ARL3: variants seen among roughly 807,000 people sequenced by gnomAD.
The protein encoded by ARL3 is ADP-ribosylation factor-like protein 3.
ARL3 carries 9 observed loss-of-function variants against 26.0 expected under a neutral mutation model. The ratio of observed to expected loss-of-function variants is 0.35; its 90% confidence interval spans 0.21 to 0.60. The LOEUF (loss-of-function observed/expected upper bound fraction) is 0.60. Among genes scored for constraint, ARL3 ranks in the 20% least tolerant of loss-of-function variants. The pLI is 0.78. For missense variants in ARL3, 158 were observed against 215.7 expected (o/e 0.73, Z 1.67); for synonymous variants, 71 against 78.4 (o/e 0.91, Z 0.50).
chr10:102,686,514 A>T (rs1325550319), intron 4 of ARL3, among the ~76,000 whole-genome samples: 1 of 139,594 alleles, frequency 7.2e-6, no homozygotes, highest in Non-Finnish European at 1.5e-5. Context: ...CCCAGGCTGG[A>T]GTGCAGTGGC....
At chr10:102,689,065 G>A (rs2064202844) in intron 4 of ARL3, among the ~76,000 whole-genome samples, 1 of 152,186 alleles carries the variant, frequency 6.6e-6, no homozygotes, top group East Asian at 1.9e-4. Flanking sequence ...GCTCACGCCT[G>A]TAATCCCAGC....
chr10:102,674,459 G>C lies in ARL3; in HGVS notation c.*2435C>G, dbSNP rs1008125547. 1 of 152,114 alleles carries C rather than the reference G, an allele frequency of 6.6e-6. No individual in the cohort carries two copies. Among genetic ancestry groups the C allele is most frequent in the Non-Finnish European group, 1.5e-5 (1 of 68,056 alleles). The allele number at this position is 152,114 out of a possible 1,614,324, so 9.4% of individuals were successfully genotyped here. ...CACAACTGGCTTGAGCACATATCAC[G>C]AGCACCCCCCAGGCCTTGCCTGCCC... On this transcript the variant is annotated 3_prime_UTR_variant, in exon 6 of 6. Coordinates refer to ENST00000260746, the MANE Select transcript of ARL3 (RefSeq NM_004311.4).
intron 1 of ARL3, 87 bp downstream of exon 1, chr10:102,714,186 G>A: frequency 7.7e-7 from 1 of 1,294,392 alleles, no homozygotes; most frequent in Non-Finnish European, 9.9e-7. Context: ...TCCCTCCTTG[G>A]CTTTAAGCGC....
At chr10:102,710,240 G>A (rs1298272495) in intron 1 of ARL3, among the ~76,000 whole-genome samples, 1 of 152,124 alleles carries the variant, frequency 6.6e-6, no homozygotes, top group East Asian at 1.9e-4. Flanking sequence ...CATGGTCTAG[G>A]GAAGACAAGT....
chr10:102,679,040 G>C (rs1292108753), intron 5 of ARL3, among the ~76,000 whole-genome samples: 1 of 152,242 alleles, frequency 6.6e-6, no homozygotes, highest in African/African-American at 2.4e-5. Context: ...GTAAACAGGG[G>C]ACCGAGCCCT....
At chr10:102,687,882 T>C (rs1437507976) in intron 4 of ARL3, among the ~76,000 whole-genome samples, 1 of 152,118 alleles carries the variant, frequency 6.6e-6, no homozygotes, top group Non-Finnish European at 1.5e-5. Flanking sequence ...TGGTTTGAGA[T>C]TCAAAACTTA....
chr10:102,696,447 G>A (rs2064248581), intron 3 of ARL3, among the ~76,000 whole-genome samples: 1 of 151,198 alleles, frequency 6.6e-6, no homozygotes. Context: ...TGTATTTTTA[G>A]TAGAGATGGG....
intron 2 of ARL3, among the ~76,000 whole-genome samples, chr10:102,703,301 T>C (rs931688094): frequency 5.9e-5 from 9 of 151,740 alleles, no homozygotes; most frequent in Non-Finnish European, 1.0e-4. Context: ...TTTGTATTTT[T>C]AGTAGAGACA....
chr10:102,689,156 C>G (rs958633354), intron 4 of ARL3, among the ~76,000 whole-genome samples: 7 of 151,988 alleles, frequency 4.6e-5, no homozygotes, highest in South Asian at 4.1e-4. Flanking sequence ...AACCCTGTCT[C>G]TACTAAAAAT....
intron 5 of ARL3, among the ~76,000 whole-genome samples, chr10:102,684,835 G>T (rs2064174383): frequency 1.3e-5 from 2 of 151,360 alleles, no homozygotes; most frequent in Admixed American, 6.6e-5. Flanking sequence ...AGAGACGGGG[G>T]TTTCACCATG....
intron 4 of ARL3, among the ~76,000 whole-genome samples, chr10:102,688,490 T>C (rs1434547435): frequency 1.5e-5 from 2 of 136,174 alleles, no homozygotes; most frequent in African/African-American, 5.5e-5. Context: ...ATGATAACTT[T>C]TTAAAAAACT....
intron 2 of ARL3, among the ~76,000 whole-genome samples, chr10:102,704,900 T>C (rs11191375): frequency 0.1 from 15,573 of 152,160 alleles, 1,166 homozygotes; most frequent in East Asian, 0.37. Context: ...GATGCTGCAG[T>C]GGGGTGGCCT....
chr10:102,690,295 CTTT>C (rs34924011), intron 3 of ARL3, among the ~76,000 whole-genome samples: 13 of 123,694 alleles, frequency 1.1e-4, no homozygotes, highest in Non-Finnish European at 3.4e-5. Flanking sequence ...CACTATTTTC[CTTT>C]TTTTTTTTTT....
intron 5 of ARL3, among the ~76,000 whole-genome samples, chr10:102,684,530 C>G (rs1250464065): frequency 1.3e-5 from 2 of 152,154 alleles, no homozygotes; most frequent in Non-Finnish European, 2.9e-5. Flanking sequence ...AAGAAAATTA[C>G]TATCTTTTCT....
intron 2 of ARL3, among the ~76,000 whole-genome samples, chr10:102,703,989 A>C (rs995923105): frequency 6.6e-6 from 1 of 151,534 alleles, no homozygotes; most frequent in Non-Finnish European, 1.5e-5. Flanking sequence ...TGTCTCTACT[A>C]AAATACAACA....
At chr10:102,678,836 G>T (rs1197233657) in intron 5 of ARL3, among the ~76,000 whole-genome samples, 2 of 152,248 alleles carry the variant, frequency 1.3e-5, no homozygotes, top group Non-Finnish European at 1.5e-5. Context: ...GCAAAGGAGG[G>T]TTCAAACGGC....
At chr10:102,676,991 C>A in intron 5 of ARL3, 50 bp from the exon 6 acceptor site, 1 of 1,593,830 alleles carries the variant, frequency 6.3e-7, no homozygotes, top group African/African-American at 1.3e-5. Context: ...AAGAAAAGCA[C>A]CACACACTCT....
intron 4 of ARL3, 32 bp from the exon 5 acceptor site, chr10:102,686,033 T>C: frequency 6.4e-7 from 1 of 1,570,444 alleles, no homozygotes; most frequent in African/African-American, 1.4e-5. Flanking sequence ...GGAGGGAAGG[T>C]TAAAATCTAT....
At chr10:102,677,005 C>T in intron 5 of ARL3, 64 bp from the exon 6 acceptor site, 1 of 1,575,928 alleles carries the variant, frequency 6.3e-7, no homozygotes, top group Non-Finnish European at 8.7e-7. Context: ...ACACTCTAGC[C>T]TGGAGGGGCG....
Sources: allele counts gnomAD v4.1 joint callset (sites outside exome capture counted in the v4.1 genomes callset), GRCh38; gene constraint gnomAD v4.1.1; transcripts MANE v1.5; gene names NCBI Gene and HGNC (gene_info 2026-07-23, HGNC 2026-07-21).